The following ZNF10 variants were observed in gnomAD, a reference collection of about 807,000 sequenced individuals.
ZNF10 encodes zinc finger protein 10.
Under a neutral mutation model 12.2 loss-of-function variants are expected in ZNF10, and 8 were observed. The ratio of observed to expected loss-of-function variants is 0.66; its 90% CI spans 0.39 to 1.18. The LOEUF (loss-of-function observed/expected upper bound fraction) is 1.18, where lower values mean the gene tolerates loss of function less well. Ranked by LOEUF, ZNF10 falls within the 50% of genes most tolerant of loss-of-function variation. ZNF10 has a pLI of 0.01. For synonymous variants in ZNF10, 229 were observed against 228.2 expected (o/e 1.00, Z -0.03); for missense variants, 603 against 678.9 (o/e 0.89, Z 1.24).
At chr12:133,151,749 C>T (rs937636616) in intron 3 of ZNF10, 60 bp from the exon 4 acceptor site, 19 of 1,356,012 alleles carry the variant, frequency 1.4e-5, no homozygotes, top group African/African-American at 1.0e-4. Context: ...GATGTTTCTT[C>T]GTGCCTACCT....
chr12:133,150,957 T>G, intron 2 of ZNF10, 71 bp from the exon 3 acceptor site: 1 of 1,543,522 alleles, frequency 6.5e-7, no homozygotes. Flanking sequence ...TTTCTCTTCC[T>G]GTTAGCGATC....
rs1043725055 is a variant in ZNF10, at chr12:133,130,680, C to G, written c.-134C>G. 1.8e-4 allele frequency: 27 copies of G among 152,534 alleles called. No homozygotes were observed. Among genetic ancestry groups the G allele is most frequent in the African/African-American group, 6.0e-4 (25 of 41,464 alleles). The allele number at this position is 152,534 out of a possible 1,614,324, so 9.4% of individuals were successfully genotyped here. A position where few individuals can be genotyped will look rare whatever the true frequency, so the allele number is the denominator to read the frequency against. ...CTCCGCTGGTGAATGGAGTCGCGTT[C>G]TCTGTTTTGCTGTTGCTGCTGCCTT... On this transcript the variant is annotated 5_prime_UTR_variant, in exon 1 of 5. Coordinates refer to ENST00000248211, the MANE Select transcript of ZNF10 (RefSeq NM_015394.5).
At chr12:133,148,224 G>A (rs760627040) in intron 2 of ZNF10, among the ~76,000 whole-genome samples, 38 of 152,032 alleles carry the variant, frequency 2.5e-4, no homozygotes, top group Admixed American at 8.5e-4. Context: ...GCGTCGAAGC[G>A]ATTCTCATGC....
intron 1 of ZNF10, 79 bp downstream of exon 1, chr12:133,130,833 T>TTAGCTTTTAGTATTTAGTATTTAGTAATG (rs1955869888): frequency 6.6e-6 from 1 of 152,258 alleles, no homozygotes; most frequent in African/African-American, 2.4e-5. Flanking sequence ...TAGCAGTGTA[T>TTAGCTTTTAGTATTTAGTATTTAGTAATG]TAGCTTCGTA....
At chr12:133,144,971 C>T in intron 2 of ZNF10, 1 of 392,244 alleles carries the variant, frequency 2.5e-6, no homozygotes, top group Middle Eastern at 5.0e-4. Flanking sequence ...CAACCTCCAC[C>T]TCCCAGGTTC....
chr12:133,144,213 C>A, intron 1 of ZNF10: 1 of 276,324 alleles, frequency 3.6e-6, no homozygotes, highest in South Asian at 1.0e-4. Flanking sequence ...TGGTGTGGAA[C>A]TCCAGAGATT....
chr12:133,140,981 G>A (rs1043027871), intron 1 of ZNF10, among the ~76,000 whole-genome samples: 6 of 152,196 alleles, frequency 3.9e-5, no homozygotes, highest in Non-Finnish European at 7.3e-5. Flanking sequence ...CAGGGAAAGA[G>A]TCCTCTAAAG....
intron 2 of ZNF10, among the ~76,000 whole-genome samples, chr12:133,147,393 C>T (rs12316355): frequency 6.6e-6 from 1 of 152,180 alleles, no homozygotes; most frequent in Non-Finnish European, 1.5e-5. Context: ...GGCAGTTATT[C>T]CGCATCCTCA....
intron 3 of ZNF10, among the ~76,000 whole-genome samples, chr12:133,151,384 G>A (rs1956006512): frequency 6.6e-6 from 1 of 152,102 alleles, no homozygotes; most frequent in East Asian, 1.9e-4. Flanking sequence ...GGTGGCTCAC[G>A]CCTGTAATTC....
At chr12:133,144,674 A>G in intron 2 of ZNF10, 149 bp downstream of exon 2, 3 of 723,776 alleles carry the variant, frequency 4.1e-6, no homozygotes, top group Non-Finnish European at 6.8e-6. Context: ...AAGAAGACAG[A>G]TCACTGTGGG....
At position 133,156,861 on chromosome 12, in the gene ZNF10, C is replaced by T. The variant is rs1190623571; in HGVS notation, c.1615C>T (p.His539Tyr). 2.0e-6 allele frequency: 3 copies of T among 1,527,130 alleles called. No homozygotes were observed. Among genetic ancestry groups the T allele is most frequent in the Non-Finnish European group, 2.6e-6 (3 of 1,140,738 alleles). The allele number at this position is 1,527,130 out of a possible 1,614,324, so 94.6% of individuals were successfully genotyped here. Reference sequence around the variant, plus strand: ...TCCATTTATAGTTCATCAAATAGCTCACACTGGAGAGCAGTTCTTAACATG... The same window carrying T: ...TCCATTTATAGTTCATCAAATAGCTTACACTGGAGAGCAGTTCTTAACATG... ...NSPFIVHQIA[H>Y]TGEQFLTCNQ... The change falls in exon 5 of 5, where the codon CAC becomes TAC. Residue 539 changes from histidine (H) to tyrosine (Y), a missense_variant. Transcript: ENST00000248211.
In ZNF10 at chr12:133,140,202, CAAAAAAA is replaced by C. The variant is rs67577219; in HGVS notation, c.-59-4209_-59-4203del. On this transcript the variant is annotated intron_variant, in intron 1 of 4. Transcript: ENST00000248211. ...TGGATGACAGAGTAAGACCCTGTCTCAAAAAAAAAAAAAAAAAAAAAAAAAAAAAGCC... is the reference window on the plus strand; with the variant it reads ...TGGATGACAGAGTAAGACCCTGTCTCAAAAAAAAAAAAAAAAAAAAAAGCC... Among the ~76,000 whole-genome samples the C allele has an allele frequency of 3.7e-4, 13 of 35,212 alleles. No homozygotes were observed. In the Admixed American group the frequency reaches 5.3e-3, roughly 14 times the overall value. 23.1% of individuals were successfully genotyped at this position (35,212 alleles called of 152,430 possible). A position where few individuals can be genotyped will look rare whatever the true frequency, so the allele number is the denominator to read the frequency against.
intron 4 of ZNF10, among the ~76,000 whole-genome samples, chr12:133,153,377 A>G (rs1956019456): frequency 6.6e-6 from 1 of 152,184 alleles, no homozygotes; most frequent in Admixed American, 6.5e-5. Context: ...TATGTGGAAG[A>G]TTTTAGGATA....
At chr12:133,147,943 C>T (rs1448048771) in intron 2 of ZNF10, among the ~76,000 whole-genome samples, 2 of 151,924 alleles carry the variant, frequency 1.3e-5, no homozygotes, top group Non-Finnish European at 2.9e-5. Flanking sequence ...TGCTCAGCCT[C>T]TTACTGAGTT....
chr12:133,144,725 A>G (rs1955965726), intron 2 of ZNF10, among the ~76,000 whole-genome samples, 200 bp downstream of exon 2: 1 of 152,220 alleles, frequency 6.6e-6, no homozygotes, highest in Admixed American at 6.5e-5. Flanking sequence ...AGAAATTTTC[A>G]AATATATACA....
At chr12:133,155,453 C>G in intron 4 of ZNF10, 50 bp from the exon 5 acceptor site, 1 of 1,517,396 alleles carries the variant, frequency 6.6e-7, no homozygotes, top group Non-Finnish European at 8.8e-7. Flanking sequence ...TCCTAGCATT[C>G]TCACCTTAAT....
chr12:133,152,497 C>A (rs1956015224), intron 4 of ZNF10, among the ~76,000 whole-genome samples: 1 of 152,182 alleles, frequency 6.6e-6, no homozygotes, highest in African/African-American at 2.4e-5. Context: ...TCACTGCAAC[C>A]TCCGCCTCCC....
At chr12:133,142,533 T>C (rs2135460032) in intron 1 of ZNF10, among the ~76,000 whole-genome samples, 1 of 151,348 alleles carries the variant, frequency 6.6e-6, no homozygotes, top group South Asian at 2.1e-4. Flanking sequence ...ATTGTAAACA[T>C]GGGTAAAGGA....
chr12:133,152,770 C>A (rs1956016701), intron 4 of ZNF10, among the ~76,000 whole-genome samples: 1 of 151,980 alleles, frequency 6.6e-6, no homozygotes, highest in Admixed American at 6.5e-5. Flanking sequence ...CATTTCCCTG[C>A]ATCTCAGACT....
Sources: gnomAD v4.1 joint callset for allele counts (sites outside exome capture counted in the v4.1 genomes callset) on GRCh38, gnomAD v4.1.1 for gene constraint, MANE v1.5 for transcripts, NCBI Gene and HGNC (gene_info 2026-07-23, HGNC 2026-07-21) for gene names.